The following TNKS2 variants were observed in gnomAD, a reference collection of about 807,000 sequenced individuals.
TNKS2 encodes the protein poly [ADP-ribose] polymerase tankyrase-2.
A neutral mutation model predicts 137.6 loss-of-function variants in TNKS2; 72 were observed. The ratio of observed to expected loss-of-function variants is 0.52; its 90% CI spans 0.43 to 0.64. The LOEUF is 0.64. TNKS2 is among the 30% of genes least tolerant of loss of function. The pLI is 0.00. For synonymous variants in TNKS2, 516 were observed against 512.1 expected (o/e 1.01, Z -0.10); for missense variants, 1,049 against 1,410.2 (o/e 0.74, Z 4.10).
intron 9 of TNKS2, among the ~76,000 whole-genome samples, chr10:91,828,619 GAAA>G: frequency 6.7e-6 from 1 of 149,354 alleles, no homozygotes; most frequent in East Asian, 1.9e-4. Context: ...AGAATCCTCA[GAAA>G]AAAAAAATTA....
At chr10:91,803,000 A>G (rs751817046) in intron 1 of TNKS2, among the ~76,000 whole-genome samples, 1 of 152,204 alleles carries the variant, frequency 6.6e-6, no homozygotes, top group Non-Finnish European at 1.5e-5. Context: ...GTTGACTTCA[A>G]TAACAAGAGT....
At chr10:91,829,077 T>C (rs1322912349) in intron 9 of TNKS2, among the ~76,000 whole-genome samples, 1 of 152,162 alleles carries the variant, frequency 6.6e-6, no homozygotes, top group Non-Finnish European at 1.5e-5. Context: ...TCCTGTTGCG[T>C]GAGTTGCAGA....
Position 91,862,053 on chromosome 10 carries a change from A to G in TNKS2, c.3336A>G (p.Ala1112=). The G allele has an allele frequency of 6.2e-7, 1 of 1,613,486 alleles. No homozygotes were observed. The highest frequency in any genetic ancestry group is 8.5e-7 in the Non-Finnish European group (1 of 1,179,620). Residue 1112 remains alanine, a synonymous_variant, in exon 26 of 27, where the codon GCA becomes GCG. Coordinates refer to ENST00000371627, the MANE Select transcript of TNKS2 (RefSeq NM_025235.4). Reference sequence around the variant, plus strand: ...GAAAGTCTTTCCTGCAGTTCAGTGCAATGAAAATGGCACATTCTCCTCCAG... The same window carrying G: ...GAAAGTCTTTCCTGCAGTTCAGTGCGATGAAAATGGCACATTCTCCTCCAG... ...TLGKSFLQFS[A]MKMAHSPPGH... is the part of the protein sequence containing the mutation.
At chr10:91,823,319 G>GGTTT (rs1564612322) in intron 7 of TNKS2, among the ~76,000 whole-genome samples, 7 of 93,414 alleles carry the variant, frequency 7.5e-5, no homozygotes, top group Admixed American at 1.2e-4. Flanking sequence ...TTGGTTTTTT[G>GGTTT]GTTTTTTTTT....
intron 1 of TNKS2, 50 bp downstream of exon 1, chr10:91,798,939 G>A (rs546267145): frequency 5.2e-5 from 68 of 1,318,074 alleles, no homozygotes; most frequent in Non-Finnish European, 5.9e-5. Context: ...CACCTGCGCA[G>A]CCGGGGCCCA....
chr10:91,806,244 G>A (rs995601452), intron 1 of TNKS2, among the ~76,000 whole-genome samples: 1 of 152,006 alleles, frequency 6.6e-6, no homozygotes, highest in African/African-American at 2.4e-5. Context: ...TGAAATTTAG[G>A]ATACAAATAT....
Position 91,845,879 on chromosome 10 carries a change from C to G in TNKS2, c.2297C>G (p.Ala766Gly). ...GRTQLCALLLAHGADPTLKNQ... is the reference protein window; with the variant it reads ...GRTQLCALLLGHGADPTLKNQ... ...ACACAGCTTTGTGCTTTGTTGCTAG[C>G]CCATGGAGCTGACCCGACTCTTAAA... is the stretch of plus-strand genomic sequence containing the variant. The change falls in exon 18 of 27, where the codon GCC becomes GGC. Residue 766 changes from alanine to glycine, a missense_variant. Around this residue, in one of 6 missense-constraint regions of TNKS2, gnomAD observed 208 missense variants for 231.2 expected, o/e 0.90. Coordinates refer to ENST00000371627, the MANE Select transcript of TNKS2 (RefSeq NM_025235.4). 1 of 1,606,270 alleles carries G rather than the reference C, an allele frequency of 6.2e-7. No homozygotes were observed. The highest frequency in any genetic ancestry group is 8.5e-7 in the Non-Finnish European group (1 of 1,174,054).
At chr10:91,811,541 G>A (rs1372930678) in intron 1 of TNKS2, among the ~76,000 whole-genome samples, 1 of 151,964 alleles carries the variant, frequency 6.6e-6, no homozygotes, top group Non-Finnish European at 1.5e-5. Flanking sequence ...TTTGAGAGGA[G>A]GAAGAATCAA....
At position 91,845,844 on chromosome 10, in the gene TNKS2, A is replaced by G. The variant is rs780752579; in HGVS notation, c.2262A>G (p.Gln754=). Residue 754 remains glutamine (Q), a synonymous_variant, in exon 18 of 27, where the codon CAA becomes CAG. Coordinates refer to ENST00000371627, the MANE Select transcript of TNKS2 (RefSeq NM_025235.4). ...TCACACCTTTGCACGAAGCAGCCCA[A>G]AAGGGACGAACACAGCTTTGTGCTT... is the stretch of plus-strand genomic sequence containing the variant. The part of the protein sequence containing the change: ...WAFTPLHEAA[Q]KGRTQLCALL... 4 of 1,611,034 alleles carry G rather than the reference A, an allele frequency of 2.5e-6. No individual in the cohort carries two copies. The highest frequency in any genetic ancestry group is 1.7e-6 in the Non-Finnish European group (2 of 1,177,652).
rs1468026210 is a variant in TNKS2, at chr10:91,864,718, G to A, written c.*1719G>A. On this transcript the variant is annotated 3_prime_UTR_variant, in exon 27 of 27. Transcript: ENST00000371627. ...AGCTCTCTAATAATTACAAATATCC[G>A]AAAGTCATTTCTTGGAACACAAGTG... 2 of 152,498 alleles carry A rather than the reference G, an allele frequency of 1.3e-5. No individual in the cohort carries two copies. The highest frequency in any genetic ancestry group is 2.4e-5 in the African/African-American group (1 of 41,400). The allele number at this position is 152,498 out of a possible 1,614,324, so 9.4% of individuals were successfully genotyped here. A position where few individuals can be genotyped will look rare whatever the true frequency, so the allele number is the denominator to read the frequency against.
rs950268641 is a variant in TNKS2, at chr10:91,855,085, C to T, written c.2872C>T (p.Leu958=). The change falls in exon 22 of 27, where the codon CTG becomes TTG. Residue 958 remains leucine, a synonymous_variant. Transcript: ENST00000371627. The part of the protein sequence containing the change: ...TSGSGTILID[L]SPDDKEFQSV... ...TGGTAGTGGAACAATTCTTATAGAT[C>T]TGTCTCCTGATGATAAAGAGTTTCA... 1.2e-6 allele frequency: 2 copies of T among 1,612,162 alleles called. No individual in the cohort carries two copies. Among genetic ancestry groups the T allele is most frequent in the South Asian group, 2.2e-5 (2 of 91,026 alleles).
chr10:91,830,215 A>G (rs1845197571), intron 9 of TNKS2, among the ~76,000 whole-genome samples: 2 of 152,030 alleles, frequency 1.3e-5, no homozygotes, highest in South Asian at 4.1e-4. Flanking sequence ...GTGTTCTGTT[A>G]TTTCCCTTTT....
intron 14 of TNKS2, 117 bp downstream of exon 14, chr10:91,840,823 T>A: frequency 1.1e-6 from 1 of 947,472 alleles, no homozygotes; most frequent in Non-Finnish European, 1.5e-6. Flanking sequence ...AACATTGGCC[T>A]AAATATTAAA....
chr10:91,827,313 G>A (rs111601183), intron 8 of TNKS2, 110 bp downstream of exon 8: 3 of 916,002 alleles, frequency 3.3e-6, no homozygotes, highest in Non-Finnish European at 4.5e-6. Flanking sequence ...ATTTTTCTTA[G>A]CCATGGGCAT....
In TNKS2 at chr10:91,798,591, G is replaced by A. The variant is rs1589633515; in HGVS notation, c.-100G>A. 3 of 1,189,458 alleles carry A rather than the reference G, an allele frequency of 2.5e-6. No homozygotes were observed. Among genetic ancestry groups the A allele is most frequent in the African/African-American group, 1.6e-5 (1 of 62,936 alleles). The allele number at this position is 1,189,458 out of a possible 1,614,324, so 73.7% of individuals were successfully genotyped here. A position where few individuals can be genotyped will look rare whatever the true frequency, so the allele number is the denominator to read the frequency against. On this transcript the variant is annotated 5_prime_UTR_variant, in exon 1 of 27. Coordinates refer to ENST00000371627, the MANE Select transcript of TNKS2 (RefSeq NM_025235.4). Reference sequence around the variant, plus strand: ...CAGGGAGCCAAGCGGCCCGGGCCCTGAGCGCGTCTTCTCCGGGGGGCCTCG... The same window carrying A: ...CAGGGAGCCAAGCGGCCCGGGCCCTAAGCGCGTCTTCTCCGGGGGGCCTCG...
At chr10:91,853,303 C>A (rs73327839) in intron 21 of TNKS2, among the ~76,000 whole-genome samples, 1 of 152,190 alleles carries the variant, frequency 6.6e-6, no homozygotes, top group East Asian at 1.9e-4. Context: ...TCTGATACAT[C>A]CAGCTCCACT....
chr10:91,810,140 T>C (rs1726592030), intron 1 of TNKS2, among the ~76,000 whole-genome samples: 1 of 152,016 alleles, frequency 6.6e-6, no homozygotes, highest in Admixed American at 6.6e-5. Context: ...CCCCACACTT[T>C]GGGAGGCTGA....
At chr10:91,857,982 A>C (rs1003603478) in intron 24 of TNKS2, among the ~76,000 whole-genome samples, 2 of 152,224 alleles carry the variant, frequency 1.3e-5, no homozygotes, top group African/African-American at 4.8e-5. Context: ...TGATGACTGT[A>C]GAATTGAAAC....
intron 13 of TNKS2, among the ~76,000 whole-genome samples, chr10:91,839,695 T>G (rs1057469407): frequency 6.6e-6 from 1 of 152,224 alleles, no homozygotes. Context: ...GTGGAGATTT[T>G]TAGGCTCCAC....
Sources: allele counts gnomAD v4.1 joint callset (sites outside exome capture counted in the v4.1 genomes callset), GRCh38; gene constraint gnomAD v4.1.1; regional missense constraint gnomAD v4.1.1; transcripts MANE v1.5; gene names NCBI Gene and HGNC (gene_info 2026-07-23, HGNC 2026-07-21).